Variants in MEP1B observed in about 807,000 individuals in gnomAD.
MEP1B encodes the protein N-benzoyl-L-tyrosyl-P-amino-benzoic acid hydrolase subunit beta.
In MEP1B, 80 loss-of-function variants were observed where a neutral mutation model predicts 84.6. The observed-to-expected ratio is 0.95, with a 90% CI of 0.79 to 1.14. MEP1B has a LOEUF of 1.14. Among genes scored for constraint, MEP1B ranks in the 50% most tolerant of loss-of-function variants. The pLI is 0.00. For synonymous variants in MEP1B, 273 were observed against 288.1 expected (o/e 0.95, Z 0.53); for missense variants, 766 against 855.1 (o/e 0.90, Z 1.30).
chr18:32,199,824 G>A (rs2040893929), intron 5 of MEP1B, among the ~76,000 whole-genome samples: 2 of 152,042 alleles, frequency 1.3e-5, no homozygotes, highest in Non-Finnish European at 2.9e-5. Context: ...ACAGATGCAT[G>A]CCACCATGTC....
Position 32,200,931 on chromosome 18 carries a change from C to A in MEP1B, c.251-1962C>A, listed in dbSNP as rs75474705. Among the ~76,000 whole-genome samples the A allele has an allele frequency of 8.9e-3, 1,361 of 152,192 alleles. 28 individuals carry two copies. The highest frequency in any genetic ancestry group is 0.029 in the African/African-American group (1,222 of 41,504). ...GCTGCTTACTGAACTCCTAGGATTG[C>A]CAGCAACTTGCCTCATTTTCCAAAG... On this transcript the variant is annotated intron_variant, in intron 5 of 14. Transcript: ENST00000269202.
intron 6 of MEP1B, 141 bp from the exon 7 acceptor site, chr18:32,204,041 A>G (rs890143147): frequency 2.9e-6 from 2 of 678,852 alleles, no homozygotes; most frequent in Non-Finnish European, 5.2e-6. Context: ...CTGGGTTATG[A>G]GAGAAACGCA....
chr18:32,215,823 C>CA (rs974477785), intron 12 of MEP1B, among the ~76,000 whole-genome samples: 9 of 151,216 alleles, frequency 6.0e-5, no homozygotes, highest in African/African-American at 9.7e-5. Flanking sequence ...GACTCCGTCT[C>CA]AAAAAAAGAA....
chr18:32,190,168 T>A lies in MEP1B; in HGVS notation c.63+35T>A, dbSNP rs764733963. ...CAGTATATAGAAGATAATTTAAAAA[T>A]TTTGGGGCAGTTGATATTGATTGTT... On this transcript the variant is annotated intron_variant, in intron 1 of 14. Transcript: ENST00000269202. The A allele has an allele frequency of 3.3e-6, 5 of 1,529,562 alleles. No homozygotes were observed. The East Asian group carries it at 1.1e-4, about 34-fold the overall frequency. The allele number at this position is 1,529,562 out of a possible 1,614,324, so 94.7% of individuals were successfully genotyped here.
At position 32,202,261 on chromosome 18, in the gene MEP1B, C is replaced by G. The variant is rs536975787; in HGVS notation, c.251-632C>G. Among the ~76,000 whole-genome samples, 28 of 152,310 alleles carry G rather than the reference C, an allele frequency of 1.8e-4. No individual in the cohort carries two copies. The East Asian group carries it at 3.7e-3, about 20-fold the overall frequency. On this transcript the variant is annotated intron_variant, in intron 5 of 14. Coordinates refer to ENST00000269202, the MANE Select transcript of MEP1B (RefSeq NM_005925.3). ...TGATACAGCCCGTTCCTCCTGGTCA[C>G]TCACAAGTTTCTTTTCCTGCATGTT...
chr18:32,196,114 G>C lies in MEP1B; in HGVS notation c.250+629G>C, dbSNP rs1014034403. The C allele has an allele frequency of 3.9e-6, 2 of 510,944 alleles. No individual in the cohort carries two copies. Among genetic ancestry groups the C allele is most frequent in the Non-Finnish European group, 7.2e-6 (2 of 277,876 alleles). 31.7% of individuals were successfully genotyped at this position (510,944 alleles called of 1,614,324 possible). A position where few individuals can be genotyped will look rare whatever the true frequency, so the allele number is the denominator to read the frequency against. ...TGCCCCCGCTGGCTCGGGCTCGGTG[G>C]CCTTGGGCTCCTTGGCCTCATCCCT... is the stretch of plus-strand genomic sequence containing the variant. On this transcript the variant is annotated intron_variant, in intron 5 of 14. Coordinates refer to ENST00000269202, the MANE Select transcript of MEP1B (RefSeq NM_005925.3). The surrounding 1 kb of genome is among the most constrained non-coding windows in gnomAD (Gnocchi z 4.4).
intron 11 of MEP1B, 62 bp from the exon 12 acceptor site, chr18:32,215,020 T>C (rs1432729516): frequency 8.1e-7 from 1 of 1,238,356 alleles, no homozygotes; most frequent in African/African-American, 1.5e-5. Context: ...GCCTGTTCTT[T>C]CCTACCACCA....
Position 32,196,285 on chromosome 18 carries a change from T to C in MEP1B, c.250+800T>C. 3 of 706,690 alleles carry C rather than the reference T, an allele frequency of 4.2e-6. No homozygotes were observed. In the South Asian group the frequency reaches 4.4e-5, roughly 10 times the overall value. The allele number at this position is 706,690 out of a possible 1,614,324, so 43.8% of individuals were successfully genotyped here. A position where few individuals can be genotyped will look rare whatever the true frequency, so the allele number is the denominator to read the frequency against. On this transcript the variant is annotated intron_variant, in intron 5 of 14. Transcript: ENST00000269202. The surrounding 1 kb of genome is among the most constrained non-coding windows in gnomAD (Gnocchi z 4.4). ...GCTGGCCATGCTGGGGGCTGTGAAG[T>C]TGAGGGGCGGGATGTTGTTGCTGGA...
chr18:32,208,175 A>G lies in MEP1B; in HGVS notation c.823A>G (p.Met275Val), dbSNP rs756327868. The change falls in exon 9 of 15, where the codon ATG (methionine) becomes GTG (valine). Residue 275 changes from methionine to valine, a missense_variant. Met to Val is a conservative substitution (Grantham distance 21, BLOSUM62 1). Coordinates refer to ENST00000269202, the MANE Select transcript of MEP1B (RefSeq NM_005925.3). ...CSFELENVCGMIQSSGDNADW... is the reference protein window; with the variant it reads ...CSFELENVCGVIQSSGDNADW... The stretch of plus-strand genomic sequence containing the variant: ...TTTTGAACTGGAAAATGTGTGTGGC[A>G]TGATCCAAAGTTCAGGAGATAATGC... 1 of 1,613,970 alleles carries G rather than the reference A, an allele frequency of 6.2e-7. No homozygotes were observed. The highest frequency in any genetic ancestry group is 8.5e-7 in the Non-Finnish European group (1 of 1,179,884).
At chr18:32,198,257 C>T (rs1184621608) in intron 5 of MEP1B, among the ~76,000 whole-genome samples, 1 of 152,162 alleles carries the variant, frequency 6.6e-6, no homozygotes, top group Non-Finnish European at 1.5e-5. Flanking sequence ...TGCTGCCATG[C>T]CACCTCAGCT....
intron 13 of MEP1B, 86 bp downstream of exon 13, chr18:32,217,203 A>G (rs1281141896): frequency 2.1e-6 from 3 of 1,429,580 alleles, no homozygotes; most frequent in Non-Finnish European, 1.9e-6. Context: ...AATAGTTCTT[A>G]TGAATGAAAT....
chr18:32,199,902 G>A (rs1053588212), intron 5 of MEP1B, among the ~76,000 whole-genome samples: 2 of 152,068 alleles, frequency 1.3e-5, no homozygotes, highest in Non-Finnish European at 2.9e-5. Context: ...TCGGCCTCCC[G>A]AAGTGTTGGG....
In MEP1B at chr18:32,220,214, G is replaced by A. The variant is rs762622905; in HGVS notation, c.2092-17G>A. 1.2e-6 allele frequency: 2 copies of A among 1,600,802 alleles called. No homozygotes were observed. Among genetic ancestry groups the A allele is most frequent in the Admixed American group, 1.7e-5 (1 of 58,602 alleles). On this transcript the variant is annotated splice_polypyrimidine_tract_variant and intron_variant, in intron 14 of 14. Coordinates refer to ENST00000269202, the MANE Select transcript of MEP1B (RefSeq NM_005925.3). ...AAATTTAGAAATTAAATCATCAATTGTTCTTTCCCCTTTTAGCAGCATGCT... is the reference window on the plus strand; with the variant it reads ...AAATTTAGAAATTAAATCATCAATTATTCTTTCCCCTTTTAGCAGCATGCT...
At chr18:32,212,856 A>T (rs904907442) in intron 10 of MEP1B, among the ~76,000 whole-genome samples, 1 of 152,136 alleles carries the variant, frequency 6.6e-6, no homozygotes, top group African/African-American at 2.4e-5. Context: ...GTTGTTATTT[A>T]CTCACCGATC....
chr18:32,190,738 T>C (rs531594171), intron 1 of MEP1B, among the ~76,000 whole-genome samples: 4 of 152,242 alleles, frequency 2.6e-5, no homozygotes, highest in African/African-American at 9.6e-5. Flanking sequence ...GAGATACAGA[T>C]GAATACATGT....
Position 32,192,729 on chromosome 18 carries a change from G to A in MEP1B, c.127+39G>A, listed in dbSNP as rs115700943. ...TTTTACATAATCTCTTAAGTAGAGAGTTTGAATCCAATTTGCTAACATGAA... is the reference window on the plus strand; with the variant it reads ...TTTTACATAATCTCTTAAGTAGAGAATTTGAATCCAATTTGCTAACATGAA... On this transcript the variant is annotated intron_variant, in intron 3 of 14. Transcript: ENST00000269202. 2,784 of 1,611,308 alleles carry A rather than the reference G, an allele frequency of 1.7e-3. 47 individuals carry two copies. In the African/African-American group the frequency reaches 0.032, roughly 18 times the overall value.
intron 11 of MEP1B, among the ~76,000 whole-genome samples, chr18:32,214,775 G>T (rs1272831767): frequency 6.6e-6 from 1 of 152,146 alleles, no homozygotes; most frequent in Non-Finnish European, 1.5e-5. Context: ...ATAGATAGGA[G>T]GGTTTCTATA....
At chr18:32,190,165 A>C in intron 1 of MEP1B, 32 bp downstream of exon 1, 1 of 1,549,336 alleles carries the variant, frequency 6.5e-7, no homozygotes, top group South Asian at 1.2e-5. Context: ...GATAATTTAA[A>C]AATTTTGGGG....
chr18:32,216,063 T>G (rs1399399153), intron 12 of MEP1B, among the ~76,000 whole-genome samples: 1 of 150,732 alleles, frequency 6.6e-6, no homozygotes, highest in Non-Finnish European at 1.5e-5. Context: ...TAATGTTAAA[T>G]TTCTTACACC....
Sources: allele counts gnomAD v4.1 joint callset (sites outside exome capture counted in the v4.1 genomes callset), GRCh38; gene constraint gnomAD v4.1.1; non-coding constraint Gnocchi (gnomAD v3.1); transcripts MANE v1.5; gene names NCBI Gene and HGNC (gene_info 2026-07-23, HGNC 2026-07-21).